The following CDKAL1 variants were observed in gnomAD, a reference collection of about 807,000 sequenced individuals.
The protein encoded by CDKAL1 is CDKAL1 threonylcarbamoyladenosine tRNA methylthiotransferase, also known as threonylcarbamoyladenosine tRNA methylthiotransferase.
A neutral mutation model predicts 68.2 loss-of-function variants in CDKAL1; 32 were observed. That is an observed-to-expected ratio of 0.47 (90% CI 0.35 to 0.63). CDKAL1 has a LOEUF of 0.63. Ranked by LOEUF, CDKAL1 falls within the 30% of genes least tolerant of loss-of-function variation. The pLI, the probability that CDKAL1 is intolerant of heterozygous loss-of-function variation, is 0.00. For synonymous variants in CDKAL1, 234 were observed against 244.3 expected (o/e 0.96, Z 0.39); for missense variants, 606 against 696.7 (o/e 0.87, Z 1.47).
chr6:21,144,006 A>AC (rs1776046058), intron 13 of CDKAL1, among the ~76,000 whole-genome samples: 1 of 151,838 alleles, frequency 6.6e-6, no homozygotes, highest in Non-Finnish European at 1.5e-5. Context: ...TAAAAAAAAA[A>AC]CAGCACAATT....
intron 9 of CDKAL1, among the ~76,000 whole-genome samples, chr6:20,881,095 A>G (rs1257029622): frequency 6.6e-6 from 1 of 152,212 alleles, no homozygotes; most frequent in Non-Finnish European, 1.5e-5. Flanking sequence ...TGACATCTCT[A>G]AGTGTGATCC....
chr6:20,886,283 A>G (rs1313793296), intron 9 of CDKAL1, among the ~76,000 whole-genome samples: 2 of 152,242 alleles, frequency 1.3e-5, no homozygotes, highest in Non-Finnish European at 2.9e-5. Context: ...ATTGCTGTGA[A>G]TAGTAGCAAT....
intron 9 of CDKAL1, among the ~76,000 whole-genome samples, chr6:20,872,073 T>G (rs181272663): frequency 1.8e-4 from 28 of 152,282 alleles, no homozygotes; most frequent in African/African-American, 6.5e-4. Context: ...TGTAGCTGCA[T>G]AGTTCTAGAT....
chr6:21,152,757 TG>T (rs1776470760), intron 13 of CDKAL1, among the ~76,000 whole-genome samples: 1 of 152,264 alleles, frequency 6.6e-6, no homozygotes, highest in Non-Finnish European at 1.5e-5. Flanking sequence ...TTTCAAAAAC[TG>T]AATTACTTTT....
At chr6:21,130,327 C>T (rs150180517) in intron 13 of CDKAL1, among the ~76,000 whole-genome samples, 2,894 of 150,266 alleles carry the variant, frequency 0.019, 81 homozygotes, top group African/African-American at 0.067. Flanking sequence ...TGGATTCGAG[C>T]GATTATCCTG....
chr6:20,690,496 C>T (rs955700292), intron 5 of CDKAL1, among the ~76,000 whole-genome samples: 2 of 152,112 alleles, frequency 1.3e-5, no homozygotes, highest in Admixed American at 6.5e-5. Context: ...AGCCTTACTA[C>T]CGCAGTGTGT....
intron 4 of CDKAL1, among the ~76,000 whole-genome samples, chr6:20,560,702 T>C (rs1764232774): frequency 6.6e-6 from 1 of 152,228 alleles, no homozygotes; most frequent in Non-Finnish European, 1.5e-5. Flanking sequence ...CACCAATTCC[T>C]ACTTTACCAG....
At chr6:21,186,652 G>T (rs1295474139) in intron 13 of CDKAL1, among the ~76,000 whole-genome samples, 1 of 151,990 alleles carries the variant, frequency 6.6e-6, no homozygotes, top group South Asian at 2.1e-4. Flanking sequence ...GAGCAATTTT[G>T]CTATTCAAAA....
At chr6:21,172,327 G>A (rs1333119199) in intron 13 of CDKAL1, among the ~76,000 whole-genome samples, 6 of 152,098 alleles carry the variant, frequency 3.9e-5, no homozygotes, top group African/African-American at 9.7e-5. Flanking sequence ...CCTCTTCCAC[G>A]CCCCGTGGTC....
At chr6:20,587,361 G>A (rs114263654) in intron 4 of CDKAL1, among the ~76,000 whole-genome samples, 1,759 of 152,146 alleles carry the variant, frequency 0.012, 42 homozygotes, top group African/African-American at 0.04. Flanking sequence ...TACAAACCAA[G>A]AATCTGAATT....
intron 11 of CDKAL1, among the ~76,000 whole-genome samples, chr6:21,006,339 A>G (rs1460594948): frequency 6.6e-6 from 1 of 152,218 alleles, no homozygotes; most frequent in Non-Finnish European, 1.5e-5. Context: ...AGGATTAGAT[A>G]ATTATATTTT....
chr6:20,960,216 A>G (rs1204312330), intron 10 of CDKAL1, among the ~76,000 whole-genome samples: 2 of 151,992 alleles, frequency 1.3e-5, no homozygotes, highest in Non-Finnish European at 2.9e-5. Flanking sequence ...ACAGCCTTGA[A>G]CTCCTGGGCT....
At chr6:21,116,838 A>G (rs2151002746) in intron 13 of CDKAL1, among the ~76,000 whole-genome samples, 1 of 152,328 alleles carries the variant, frequency 6.6e-6, no homozygotes, top group Admixed American at 6.5e-5. Context: ...TACCACGCCT[A>G]AAAGTATCTG....
At chr6:21,084,536 T>C (rs1448092244) in intron 12 of CDKAL1, among the ~76,000 whole-genome samples, 1 of 152,236 alleles carries the variant, frequency 6.6e-6, no homozygotes, top group Non-Finnish European at 1.5e-5. Flanking sequence ...AATACTGACT[T>C]ACCAAATCTG....
rs116178078 is a variant in CDKAL1, at chr6:20,722,504, A to G, written c.372-17015A>G. 3.7e-3 allele frequency: 1,239 copies of G among 332,368 alleles called. 13 individuals are homozygous for G. The highest frequency in any genetic ancestry group is 0.025 in the African/African-American group (1,104 of 45,042). The allele number at this position is 332,368 out of a possible 1,614,324, so 20.6% of individuals were successfully genotyped here. A position where few individuals can be genotyped will look rare whatever the true frequency, so the allele number is the denominator to read the frequency against. On this transcript the variant is annotated intron_variant, in intron 5 of 15. Transcript: ENST00000274695. ...CAGAATTCCAGAAAATGGGTTTAGT[A>G]TGCCCACCATAGCCACTCTGCTTCC...
At chr6:20,736,987 A>T (rs1345637705) in intron 5 of CDKAL1, among the ~76,000 whole-genome samples, 1 of 152,164 alleles carries the variant, frequency 6.6e-6, no homozygotes, top group African/African-American at 2.4e-5. Context: ...AGAGATTTCC[A>T]TATTGCCCAC....
chr6:21,198,529 G>A (rs1011783197), intron 14 of CDKAL1, among the ~76,000 whole-genome samples: 1 of 152,174 alleles, frequency 6.6e-6, no homozygotes, highest in Non-Finnish European at 1.5e-5. Context: ...TAGTTGGTTG[G>A]TTGATTGGTT....
At chr6:21,040,490 G>A (rs930348920) in intron 11 of CDKAL1, among the ~76,000 whole-genome samples, 1 of 150,932 alleles carries the variant, frequency 6.6e-6, no homozygotes, top group African/African-American at 2.4e-5. Context: ...ATCAGAAAGG[G>A]GTAAATAATA....
chr6:20,628,938 G>T (rs1218887857), intron 4 of CDKAL1, among the ~76,000 whole-genome samples: 1 of 151,458 alleles, frequency 6.6e-6, no homozygotes, highest in Non-Finnish European at 1.5e-5. Flanking sequence ...ATACTTTATT[G>T]TGTGTTTCCT....
Sources: allele counts gnomAD v4.1 joint callset (sites outside exome capture counted in the v4.1 genomes callset), GRCh38; gene constraint gnomAD v4.1.1; transcripts MANE v1.5; gene names NCBI Gene and HGNC (gene_info 2026-07-23, HGNC 2026-07-21).